Variants in VPS9D1 observed in about 807,000 individuals in gnomAD.
VPS9D1 encodes VPS9 domain-containing protein 1.
VPS9D1 carries 78 observed loss-of-function variants against 75.8 expected under a neutral mutation model. The observed-to-expected ratio is 1.03, with a 90% CI of 0.86 to 1.24. The LOEUF (loss-of-function observed/expected upper bound fraction) is 1.24, where lower values mean the gene tolerates loss of function less well. Among genes scored for constraint, VPS9D1 ranks in the 50% most tolerant of loss-of-function variants. The pLI, the probability that VPS9D1 is intolerant of heterozygous loss-of-function variation, is 0.00. For missense variants in VPS9D1, 1,057 were observed against 847.7 expected, an observed-to-expected ratio of 1.25 and a Z score of -3.07; for synonymous variants, 481 against 385.6, an observed-to-expected ratio of 1.25 and a Z score of -2.90.
rs1320302903 is a variant in VPS9D1, at chr16:89,709,308, C to T, written c.1516G>A (p.Gly506Ser). The T allele has an allele frequency of 6.2e-7, 1 of 1,606,600 alleles. No individual in the cohort carries two copies. Among genetic ancestry groups the T allele is most frequent in the Non-Finnish European group, 8.5e-7 (1 of 1,178,146 alleles). ...PQNPEAKGAT[G>S]YPYCAAAQEL... ...TGGGCCGCCGCGCAGTAGGGGTAGC[C>T]AGTGGCCCCCTTGGCCTCAGGGTTC... is the stretch of plus-strand genomic sequence containing the variant. The change falls in exon 12 of 15, where the codon GGC (glycine) becomes AGC (serine). Residue 506 changes from glycine to serine, a missense_variant. Physicochemically the swap from Gly to Ser is moderately conservative, Grantham distance 56. Transcript: ENST00000389386.
At chr16:89,717,583 A>C (rs1285108692) in intron 2 of VPS9D1, 1 of 456,228 alleles carries the variant, frequency 2.2e-6, no homozygotes, top group Non-Finnish European at 4.4e-6. Context: ...CCTTCACAGA[A>C]AACTTCTCAT....
intron 8 of VPS9D1, 123 bp from the exon 9 acceptor site, chr16:89,711,535 G>A (rs2060920848): frequency 1.0e-6 from 1 of 964,918 alleles, no homozygotes; most frequent in Non-Finnish European, 1.5e-6. Flanking sequence ...AGGAGACCCA[G>A]CGCCAGCAGG....
At chr16:89,720,593 G>A (rs2061233505) in intron 1 of VPS9D1, 170 bp downstream of exon 1, 2 of 1,223,820 alleles carry the variant, frequency 1.6e-6, no homozygotes, top group East Asian at 3.6e-5. Context: ...GTCACTGCAC[G>A]CCCGGCTGCG....
intron 9 of VPS9D1, 125 bp from the exon 10 acceptor site, chr16:89,711,135 G>T: frequency 8.1e-7 from 1 of 1,238,174 alleles, no homozygotes; most frequent in Non-Finnish European, 1.1e-6. Flanking sequence ...ATGTTGGAAA[G>T]TCTGCCCCCC....
intron 1 of VPS9D1, chr16:89,720,557 G>A (rs999865846): frequency 5.1e-5 from 60 of 1,182,048 alleles, no homozygotes; most frequent in South Asian, 2.0e-4. Flanking sequence ...GGAAAGCCAA[G>A]GTCCGCAGGA....
intron 6 of VPS9D1, 67 bp downstream of exon 6, chr16:89,712,393 T>G: frequency 6.2e-7 from 1 of 1,602,010 alleles, no homozygotes; most frequent in East Asian, 2.2e-5. Context: ...TGCCCCCTTC[T>G]CTGCCCTTGG....
At chr16:89,719,433 G>C (rs1215888755) in intron 1 of VPS9D1, 4 of 477,052 alleles carry the variant, frequency 8.4e-6, no homozygotes, top group Non-Finnish European at 1.7e-5. Context: ...TGGGCCTGGG[G>C]AAGTGACCTC....
chr16:89,714,977 C>T (rs1385774782), intron 4 of VPS9D1, among the ~76,000 whole-genome samples: 2 of 152,008 alleles, frequency 1.3e-5, no homozygotes, highest in Non-Finnish European at 2.9e-5. Context: ...TTGTGATCTG[C>T]CTGCCTTGGC....
In VPS9D1 at chr16:89,710,038, G is replaced by A; in HGVS notation, c.1259-132C>T. 3 of 1,290,720 alleles carry A rather than the reference G, an allele frequency of 2.3e-6. No individual in the cohort carries two copies. The South Asian group carries it at 4.4e-5, about 19-fold the overall frequency. 80.0% of individuals were successfully genotyped at this position (1,290,720 alleles called of 1,614,324 possible). ...CTTCAAGCCTCCTGCACCCACCCCT[G>A]ACCCTCCTCGGCCCAGGGCAGGGAG... On this transcript the variant is annotated intron_variant, in intron 10 of 14. Transcript: ENST00000389386.
chr16:89,719,873 C>T (rs1364188501), intron 1 of VPS9D1, among the ~76,000 whole-genome samples: 1 of 152,182 alleles, frequency 6.6e-6, no homozygotes, highest in Non-Finnish European at 1.5e-5. Context: ...TGTGCACCGC[C>T]ACACCCAGCT....
Position 89,709,893 on chromosome 16 carries a change from C to T in VPS9D1, c.1272G>A (p.Ser424=), listed in dbSNP as rs200669168. 1.1e-3 allele frequency: 1,796 copies of T among 1,609,852 alleles called. 1 individual carries two copies. Among genetic ancestry groups the T allele is most frequent in the Non-Finnish European group, 1.4e-3 (1,660 of 1,177,882 alleles). Residue 424 remains serine (S), a synonymous_variant, in exon 11 of 15, where the codon TCG becomes TCA. Coordinates refer to ENST00000389386, the MANE Select transcript of VPS9D1 (RefSeq NM_004913.3). The part of the protein sequence containing the change: ...EIHNAVDRLL[S]LTLLAFEGLN... ...GGCCTTCGAAGGCCAGAAGGGTCAG[C>T]GAGAGCAGCCTGTCTGCTAGGAACA...
chr16:89,711,083 C>T, intron 9 of VPS9D1, 73 bp from the exon 10 acceptor site: 4 of 1,396,958 alleles, frequency 2.9e-6, no homozygotes, highest in Non-Finnish European at 3.8e-6. Flanking sequence ...CCGCGCTATG[C>T]CCGGTTTCAG....
chr16:89,715,940 G>C (rs1212423886), intron 4 of VPS9D1, among the ~76,000 whole-genome samples: 2 of 151,934 alleles, frequency 1.3e-5, no homozygotes, highest in East Asian at 3.9e-4. Flanking sequence ...GCCTCCTACA[G>C]TGCTGGGATT....
chr16:89,710,370 G>C (rs2060887243), intron 10 of VPS9D1, among the ~76,000 whole-genome samples: 1 of 152,138 alleles, frequency 6.6e-6, no homozygotes, highest in African/African-American at 2.4e-5. Flanking sequence ...CAGATCAACT[G>C]AGGTCAGGAG....
chr16:89,708,497 CGAA>C lies in VPS9D1; in HGVS notation c.1729_1731del (p.Phe577del). 2.5e-6 allele frequency: 4 copies of C among 1,613,166 alleles called. No individual in the cohort carries two copies. The highest frequency in any genetic ancestry group is 2.5e-6 in the Non-Finnish European group (3 of 1,179,904). ...TGAGGGAGGCCGCTCCTCAGCACCA[CGAA>C]GGACAGGATGGGCAGCAGGTCATCG... is the stretch of plus-strand genomic sequence containing the variant. On this transcript the variant is annotated inframe_deletion, in exon 14 of 15. Transcript: ENST00000389386.
In VPS9D1 at chr16:89,712,325, G is replaced by A. The variant is rs2060951401; in HGVS notation, c.606+135C>T. On this transcript the variant is annotated intron_variant, in intron 6 of 14. Coordinates refer to ENST00000389386, the MANE Select transcript of VPS9D1 (RefSeq NM_004913.3). ...GGCCTTCCCCTGAGACCCTGCCTCT[G>A]CAAAGCGGGGAGCCCCTCGGCCCTG... The A allele has an allele frequency of 1.1e-5, 16 of 1,396,468 alleles. No individual in the cohort carries two copies. In the South Asian group the frequency reaches 1.9e-4, roughly 16 times the overall value. 86.5% of individuals were successfully genotyped at this position (1,396,468 alleles called of 1,614,324 possible).
intron 13 of VPS9D1, 46 bp downstream of exon 13, chr16:89,708,811 C>A: frequency 1.3e-6 from 2 of 1,517,946 alleles, no homozygotes; most frequent in Non-Finnish European, 1.8e-6. Context: ...CATTGCCTTT[C>A]TAGGGCCCTT....
rs1173850779 is a variant in VPS9D1, at chr16:89,711,893, C to T, written c.736G>A (p.Glu246Lys). ...CGTGGGGGACGCACATGGTCCTGTTCGTACTCCAGGATGGCGGCGTAAAGG... is the reference window on the plus strand; with the variant it reads ...CGTGGGGGACGCACATGGTCCTGTTTGTACTCCAGGATGGCGGCGTAAAGG... ...RALYAAILEY[E>K]QDHDWPKHWK... The change falls in exon 8 of 15, where the codon GAA (glutamate) becomes AAA (lysine). Residue 246 changes from glutamate (E) to lysine (K), a missense_variant. Glu to Lys is a moderately conservative substitution (Grantham distance 56). Transcript: ENST00000389386. 1 of 1,551,062 alleles carries T rather than the reference C, an allele frequency of 6.4e-7. No individual in the cohort carries two copies. Among genetic ancestry groups the T allele is most frequent in the East Asian group, 2.4e-5 (1 of 40,966 alleles).
At chr16:89,709,697 C>T (rs966079990) in intron 11 of VPS9D1, 80 bp downstream of exon 11, 2 of 1,599,556 alleles carry the variant, frequency 1.3e-6, no homozygotes, top group Middle Eastern at 1.9e-4. Context: ...CAGACAGTGC[C>T]AGGGAGCAGG....
Sources: gnomAD v4.1 joint callset for allele counts (sites outside exome capture counted in the v4.1 genomes callset) on GRCh38, gnomAD v4.1.1 for gene constraint, MANE v1.5 for transcripts, NCBI Gene and HGNC (gene_info 2026-07-23, HGNC 2026-07-21) for gene names.